The following STX11 variants were observed in gnomAD, a reference collection of about 807,000 sequenced individuals.
STX11 encodes the protein syntaxin-11.
A neutral mutation model predicts 19.9 loss-of-function variants in STX11; 21 were observed. That is an observed-to-expected ratio of 1.06 (90% CI 0.75 to 1.52). STX11 has a LOEUF of 1.52. Ranked by LOEUF, STX11 falls within the 40% of genes most tolerant of loss-of-function variation. STX11 has a pLI of 0.00. For missense variants in STX11, 438 were observed against 405.9 expected (o/e 1.08, Z -0.68); for synonymous variants, 193 against 174.4 (o/e 1.11, Z -0.84).
Position 144,188,776 on chromosome 6 carries a change from G to A in STX11, c.*1285G>A, listed in dbSNP as rs1802138365. Among the ~76,000 whole-genome samples the A allele has an allele frequency of 7.0e-6, 1 of 143,804 alleles. No homozygotes were observed. The highest frequency in any genetic ancestry group is 1.5e-5 in the Non-Finnish European group (1 of 67,012). 94.3% of individuals were successfully genotyped at this position (143,804 alleles called of 152,430 possible). On this transcript the variant is annotated 3_prime_UTR_variant, in exon 2 of 2. Coordinates refer to ENST00000367568, the MANE Select transcript of STX11 (RefSeq NM_003764.4). ...GAGTCTCACTGTGTTGCCCAGGCTGGAGTGCAGTGGCAGGATCTTGGCTCA... is the reference window on the plus strand; with the variant it reads ...GAGTCTCACTGTGTTGCCCAGGCTGAAGTGCAGTGGCAGGATCTTGGCTCA...
At chr6:144,140,576 T>C in the STX11 span, among the ~76,000 whole-genome samples, 1 of 151,988 alleles carries the variant, frequency 6.6e-6, no homozygotes, top group Non-Finnish European at 1.5e-5. Context: ...TTGAAACAAC[T>C]TGTTTTTTTT....
In STX11 at chr6:144,176,236, C is replaced by CT. The variant is rs1801774920; in HGVS notation, c.-5-10386dup. Among the ~76,000 whole-genome samples the CT allele has an allele frequency of 1.3e-5, 2 of 152,170 alleles. No individual in the cohort carries two copies. The highest frequency in any genetic ancestry group is 2.9e-5 in the Non-Finnish European group (2 of 68,032). ...CCCACACTAGCGCCTCCCACCCTAA[C>CT]TCCCCCAACAGCTTCAGTGCATGAT... On this transcript the variant is annotated intron_variant, in intron 1 of 1. Transcript: ENST00000367568. This position sits in a 1 kb window ranked among gnomAD's most constrained non-coding sequence, Gnocchi z 4.1.
At chr6:144,168,197 G>T (rs1801531893) in intron 1 of STX11, among the ~76,000 whole-genome samples, 1 of 152,202 alleles carries the variant, frequency 6.6e-6, no homozygotes. Context: ...GTCCTCTGAG[G>T]ATGAGGAGGC....
rs1467335199 is a variant in STX11, at chr6:144,180,137, C to T, written c.-5-6486C>T. ...AAATTTCTCACTACTTGTAAAAATA[C>T]TTTAACATCTTGCTGTGAAACAGGA... On this transcript the variant is annotated intron_variant, in intron 1 of 1. Transcript: ENST00000367568. This position sits in a 1 kb window ranked among gnomAD's most constrained non-coding sequence, Gnocchi z 5.3. 6.6e-6 allele frequency among the ~76,000 whole-genome samples: 1 copy of T among 152,176 alleles called. No homozygotes were observed. Among genetic ancestry groups the T allele is most frequent in the Non-Finnish European group, 1.5e-5 (1 of 68,036 alleles).
At position 144,187,360 on chromosome 6, in the gene STX11, A is replaced by G. The variant is rs375645683; in HGVS notation, c.733A>G (p.Ile245Val). 2 of 1,610,330 alleles carry G rather than the reference A, an allele frequency of 1.2e-6. No individual in the cohort carries two copies. The highest frequency in any genetic ancestry group is 1.7e-6 in the Non-Finnish European group (2 of 1,179,970). The change falls in exon 2 of 2, where the codon ATC (isoleucine) becomes GTC (valine). Residue 245 changes from isoleucine to valine, a missense_variant. Physicochemically the swap from Ile to Val is conservative, Grantham distance 29. Coordinates refer to ENST00000367568, the MANE Select transcript of STX11 (RefSeq NM_003764.4). The surrounding 1 kb of genome is among the most constrained non-coding windows in gnomAD (Gnocchi z 5.6). ...GAAGCAGGCCGACACCCTGAACGTC[A>G]TCGAGCTCAACGTACAAAAGACGGT... is the stretch of plus-strand genomic sequence containing the variant. Reference protein sequence around the residue: ...VEKQADTLNVIELNVQKTVDY... With the variant: ...VEKQADTLNVVELNVQKTVDY...
At chr6:144,149,776 C>T (rs1264410116), upstream of STX11, among the ~76,000 whole-genome samples, 2 of 152,168 alleles carry the variant, frequency 1.3e-5, no homozygotes, top group African/African-American at 4.8e-5. This position sits in a 1 kb window ranked among gnomAD's most constrained non-coding sequence, Gnocchi z 5.1. Context: ...GCGCCCGGCC[C>T]GATTTTTCCT....
the STX11 span, among the ~76,000 whole-genome samples, chr6:144,140,252 ATATTTATT>A: frequency 1.8e-3 from 92 of 51,932 alleles, 3 homozygotes; most frequent in East Asian, 0.016. Flanking sequence ...ATATATATAT[ATATTTATT>A]TATTTATTTT....
intron 1 of STX11, among the ~76,000 whole-genome samples, chr6:144,164,295 T>C (rs752320739): frequency 2.6e-4 from 39 of 150,138 alleles, no homozygotes; most frequent in Non-Finnish European, 6.0e-5. Flanking sequence ...TGCTGTTGTG[T>C]ATATTTTAGC....
chr6:144,156,321 C>T (rs1801164174), intron 1 of STX11, among the ~76,000 whole-genome samples: 1 of 152,114 alleles, frequency 6.6e-6, no homozygotes, highest in Non-Finnish European at 1.5e-5. Flanking sequence ...ACCTCGGCCT[C>T]CCTGAGTGCT....
At chr6:144,168,372 T>A (rs144851265) in intron 1 of STX11, among the ~76,000 whole-genome samples, 1 of 152,354 alleles carries the variant, frequency 6.6e-6, no homozygotes, top group East Asian at 1.9e-4. Flanking sequence ...ACACATCCAC[T>A]ATGTCATCTA....
At position 144,156,048 on chromosome 6, in the gene STX11, T is replaced by C. The variant is rs974605185; in HGVS notation, c.-6+5345T>C. Among the ~76,000 whole-genome samples, 85 of 91,916 alleles carry C rather than the reference T, an allele frequency of 9.2e-4. 2 individuals are homozygous for C. Among genetic ancestry groups the C allele is most frequent in the African/African-American group, 3.6e-3 (73 of 20,430 alleles). 60.3% of individuals were successfully genotyped at this position (91,916 alleles called of 152,430 possible). On this transcript the variant is annotated intron_variant, in intron 1 of 1. Transcript: ENST00000367568. ...TCTCCTTCCTTCCTTCCTTCCTTCC[T>C]TCCCCTCCCCTCCCCTCCCCTCCCC...
chr6:144,176,581 G>A lies in STX11; in HGVS notation c.-5-10042G>A, dbSNP rs530373895. On this transcript the variant is annotated intron_variant, in intron 1 of 1. Transcript: ENST00000367568. The surrounding 1 kb of genome is among the most constrained non-coding windows in gnomAD (Gnocchi z 4.1). Reference sequence around the variant, plus strand: ...ATTATAGAATGTTTGCTTCTCGAATGTCTTTGCTTGCCACAGTCTCTAAAG... The same window carrying A: ...ATTATAGAATGTTTGCTTCTCGAATATCTTTGCTTGCCACAGTCTCTAAAG... 3.3e-5 allele frequency among the ~76,000 whole-genome samples: 5 copies of A among 152,136 alleles called. No individual in the cohort carries two copies. The highest frequency in any genetic ancestry group is 5.9e-5 in the Non-Finnish European group (4 of 68,010).
chr6:144,172,561 T>C lies in STX11; in HGVS notation c.-5-14062T>C, dbSNP rs948944512. 2.6e-5 allele frequency among the ~76,000 whole-genome samples: 4 copies of C among 152,206 alleles called. No individual in the cohort carries two copies. Among genetic ancestry groups the C allele is most frequent in the Admixed American group, 6.5e-5 (1 of 15,286 alleles). On this transcript the variant is annotated intron_variant, in intron 1 of 1. Transcript: ENST00000367568. This position sits in a 1 kb window ranked among gnomAD's most constrained non-coding sequence, Gnocchi z 4.2. ...ACCGACACCACTTCTTGATGGGACG[T>C]GCTGCTAAGAATTTGTTGCCATTTG...
Position 144,183,562 on chromosome 6 carries a change from CTTTG to C in STX11, c.-5-3056_-5-3053del, listed in dbSNP as rs1392515583. Among the ~76,000 whole-genome samples, 1 of 152,098 alleles carries C rather than the reference CTTTG, an allele frequency of 6.6e-6. No homozygotes were observed. Among genetic ancestry groups the C allele is most frequent in the Non-Finnish European group, 1.5e-5 (1 of 68,008 alleles). On this transcript the variant is annotated intron_variant, in intron 1 of 1. Transcript: ENST00000367568. This position sits in a 1 kb window ranked among gnomAD's most constrained non-coding sequence, Gnocchi z 4.6. ...CCAATTTTTTAAAATAATGAATAGACTTTGTTTGCAAAATCATTAAGTTGCAAAA... is the reference window on the plus strand; with the variant it reads ...CCAATTTTTTAAAATAATGAATAGACTTTGCAAAATCATTAAGTTGCAAAA...
In STX11 at chr6:144,162,352, C is replaced by T. The variant is rs73778545; in HGVS notation, c.-6+11649C>T. Among the ~76,000 whole-genome samples the T allele has an allele frequency of 0.015, 2,360 of 152,310 alleles. 76 individuals carry two copies. The highest frequency in any genetic ancestry group is 0.054 in the African/African-American group (2,255 of 41,546). ...TTCTTAAATCTACTAGACCAATTAT[C>T]ATTTATCCATTTGCTTCATAATTTC... On this transcript the variant is annotated intron_variant, in intron 1 of 1. Transcript: ENST00000367568. The surrounding 1 kb of genome is among the most constrained non-coding windows in gnomAD (Gnocchi z 4.6).
At position 144,165,158 on chromosome 6, in the gene STX11, A is replaced by G. The variant is rs1801444767; in HGVS notation, c.-6+14455A>G. On this transcript the variant is annotated intron_variant, in intron 1 of 1. Coordinates refer to ENST00000367568, the MANE Select transcript of STX11 (RefSeq NM_003764.4). This position sits in a 1 kb window ranked among gnomAD's most constrained non-coding sequence, Gnocchi z 5.8. ...GGTGTAATGCAATATATTCACTTTG[A>G]AGAAAAATTTTCTTGGCCGGGCGCG... Among the ~76,000 whole-genome samples, 1 of 152,092 alleles carries G rather than the reference A, an allele frequency of 6.6e-6. No individual in the cohort carries two copies. The highest frequency in any genetic ancestry group is 2.1e-4 in the South Asian group (1 of 4,834).
At chr6:144,145,982 T>C (rs1305156711), upstream of STX11, among the ~76,000 whole-genome samples, 2 of 152,214 alleles carry the variant, frequency 1.3e-5, no homozygotes, top group African/African-American at 4.8e-5. Flanking sequence ...ATCACAACCA[T>C]ATAAGAAGTT....
At chr6:144,140,077 G>A in the STX11 span, among the ~76,000 whole-genome samples, 42 of 151,352 alleles carry the variant, frequency 2.8e-4, no homozygotes, top group South Asian at 1.3e-3. Context: ...AGGAACATCC[G>A]TCAGCTTCTG....
chr6:144,151,449 C>G lies in STX11; in HGVS notation c.-6+746C>G. The G allele has an allele frequency of 3.0e-6, 3 of 984,108 alleles. No homozygotes were observed. Among genetic ancestry groups the G allele is most frequent in the Non-Finnish European group, 3.6e-6 (3 of 828,744 alleles). The allele number at this position is 984,108 out of a possible 1,614,324, so 61.0% of individuals were successfully genotyped here. A position where few individuals can be genotyped will look rare whatever the true frequency, so the allele number is the denominator to read the frequency against. ...CAGGGCTGCTCTCTTAATTGTGAGA[C>G]TTTGTTAATGAACTTTTGAAAAGCG... On this transcript the variant is annotated intron_variant, in intron 1 of 1. Transcript: ENST00000367568. This position sits in a 1 kb window ranked among gnomAD's most constrained non-coding sequence, Gnocchi z 4.6.
Sources: gnomAD v4.1 joint callset for allele counts (sites outside exome capture counted in the v4.1 genomes callset) on GRCh38, gnomAD v4.1.1 for gene constraint, Gnocchi (gnomAD v3.1) non-coding constraint, MANE v1.5 for transcripts, NCBI Gene and HGNC (gene_info 2026-07-23, HGNC 2026-07-21) for gene names.